Variants in SIGLEC9 observed in about 807,000 individuals in gnomAD.
SIGLEC9 encodes sialic acid binding Ig like lectin 9.
A neutral mutation model predicts 38.3 loss-of-function variants in SIGLEC9; 26 were observed. That is an observed-to-expected ratio of 0.68 (90% CI 0.50 to 0.94). The LOEUF (loss-of-function observed/expected upper bound fraction) is 0.94. Ranked by LOEUF, SIGLEC9 falls within the 40% of genes least tolerant of loss-of-function variation. The pLI is 0.00. For synonymous variants in SIGLEC9, 236 were observed against 248.0 expected (o/e 0.95, Z 0.45); for missense variants, 556 against 585.7 (o/e 0.95, Z 0.52).
downstream of SIGLEC9, among the ~76,000 whole-genome samples, chr19:51,131,718 C>T (rs1254995026): frequency 6.6e-6 from 1 of 151,974 alleles, no homozygotes; most frequent in African/African-American, 2.4e-5. Flanking sequence ...GGGTTCAAGA[C>T]CAGCCTGGCC....
chr19:51,125,985 G>T (rs2091976786), intron 2 of SIGLEC9, 96 bp from the exon 3 acceptor site: 2 of 1,580,402 alleles, frequency 1.3e-6, no homozygotes, highest in Admixed American at 1.7e-5. Flanking sequence ...GAGGACACTG[G>T]CTCTGCCTTC....
At chr19:51,129,308 G>A (rs988555106) in intron 6 of SIGLEC9, among the ~76,000 whole-genome samples, 6 of 148,580 alleles carry the variant, frequency 4.0e-5, no homozygotes, top group African/African-American at 7.4e-5. Flanking sequence ...ACAGGCGCCT[G>A]CCACCACGCC....
chr19:51,127,441 C>G, intron 4 of SIGLEC9, 145 bp downstream of exon 4: 5 of 891,942 alleles, frequency 5.6e-6, no homozygotes, highest in Non-Finnish European at 8.3e-6. Context: ...CTGGGACCCA[C>G]AGCACCACTG....
intron 3 of SIGLEC9, among the ~76,000 whole-genome samples, chr19:51,126,456 T>C (rs550522168): frequency 5.3e-5 from 8 of 152,344 alleles, no homozygotes; most frequent in African/African-American, 1.9e-4. Flanking sequence ...CTGATCTAAG[T>C]ACTTCTGGAC....
chr19:51,126,469 G>A (rs1166413765), intron 3 of SIGLEC9, among the ~76,000 whole-genome samples: 1 of 152,162 alleles, frequency 6.6e-6, no homozygotes. Context: ...TTCTGGACAG[G>A]TGATAAATGT....
Position 51,125,716 on chromosome 19 carries a change from A to G in SIGLEC9, c.541A>G (p.Ile181Val). Residue 181 changes from isoleucine (I) to valine (V), a missense_variant, in exon 2 of 7, where the codon ATA becomes GTA. By Grantham distance (29) the Ile-to-Val change is conservative. Transcript: ENST00000250360. Reference sequence around the variant, plus strand: ...GGGGACACCCCCTATGATCTCCTGGATAGGGACCTCCGTGTCCCCCCTGGA... The same window carrying G: ...GGGGACACCCCCTATGATCTCCTGGGTAGGGACCTCCGTGTCCCCCCTGGA... ...EQGTPPMISW[I>V]GTSVSPLDPS... 6.2e-7 allele frequency: 1 copy of G among 1,614,008 alleles called. No homozygotes were observed. Among genetic ancestry groups the G allele is most frequent in the Non-Finnish European group, 8.5e-7 (1 of 1,179,972 alleles).
At position 51,125,288 on chromosome 19, in the gene SIGLEC9, G is replaced by T. The variant is rs772946118; in HGVS notation, c.314G>T (p.Ser105Ile). 1.2e-6 allele frequency: 2 copies of T among 1,613,860 alleles called. No homozygotes were observed. The highest frequency in any genetic ancestry group is 2.2e-5 in the South Asian group (2 of 91,074). Residue 105 changes from serine (S) to isoleucine (I), a missense_variant, in exon 1 of 7, where the codon AGC becomes ATC. Ser to Ile is a moderately radical substitution (Grantham distance 142, BLOSUM62 -2). Coordinates refer to ENST00000250360, the MANE Select transcript of SIGLEC9 (RefSeq NM_014441.3). ...GDPHTKNCTL[S>I]IRDARRSDAG... ...CCACATACCAAGAATTGCACCCTGA[G>T]CATCAGAGATGCCAGAAGAAGTGAT...
In SIGLEC9 at chr19:51,126,108, T is replaced by A; in HGVS notation, c.728T>A (p.Val243Asp). The A allele has an allele frequency of 6.2e-7, 1 of 1,614,032 alleles. No individual in the cohort carries two copies. The part of the protein sequence containing the change: ...SYPPQNLTMT[V>D]FQGDGTVSTV... ...CCGCCTCAGAACTTGACCATGACTG[T>A]CTTCCAAGGAGACGGCACAGGTAGG... Residue 243 changes from valine (V) to aspartate (D), a missense_variant, in exon 3 of 7, where the codon GTC becomes GAC. By Grantham distance (152) the Val-to-Asp change is radical (BLOSUM62 -3). Transcript: ENST00000250360.
intron 3 of SIGLEC9, among the ~76,000 whole-genome samples, chr19:51,126,753 T>C (rs890992676): frequency 6.6e-6 from 1 of 152,236 alleles, no homozygotes; most frequent in Non-Finnish European, 1.5e-5. Context: ...AACAATCTTG[T>C]ATCTACTTCC....
exon 7 of SIGLEC9, chr19:51,136,188 G>T (rs1319474519): frequency 1.4e-6 from 1 of 703,202 alleles, no homozygotes; most frequent in Non-Finnish European, 2.6e-6. Context: ...TTCCTCATCT[G>T]TGTGGGCTGA....
rs1599820513 is a variant in SIGLEC9, at chr19:51,129,905, A to G, written c.1218A>G (p.Glu406=). The G allele has an allele frequency of 3.8e-6, 6 of 1,598,384 alleles. No homozygotes were observed. The highest frequency in any genetic ancestry group is 1.3e-5 in the African/African-American group (1 of 74,174). Residue 406 remains glutamate (E), a synonymous_variant, in exon 7 of 7, where the codon GAA becomes GAG. Coordinates refer to ENST00000250360, the MANE Select transcript of SIGLEC9 (RefSeq NM_014441.3). The part of the protein sequence containing the change: ...RGSASQGPLT[E]PWAEDSPPDQ... Reference sequence around the variant, plus strand: ...CCATGTCTCAGGGGCCCCTGACTGAACCTTGGGCAGAAGACAGTCCCCCAG... The same window carrying G: ...CCATGTCTCAGGGGCCCCTGACTGAGCCTTGGGCAGAAGACAGTCCCCCAG...
intron 6 of SIGLEC9, among the ~76,000 whole-genome samples, chr19:51,129,171 G>GTTGTTTTTTTTTTTTTTTT (rs1555796366): frequency 7.2e-6 from 1 of 138,992 alleles, no homozygotes; most frequent in African/African-American, 3.0e-5. Context: ...TGTTGTTGTT[G>GTTGTTTTTTTTTTTTTTTT]TTTTTGAGAC....
chr19:51,125,579 T>A lies in SIGLEC9; in HGVS notation c.422-18T>A. ...ATGGATCCTCTGACCTGATCCTGAG[T>A]CCCCCTCTCTTCACCAGCCTTGACC... On this transcript the variant is annotated intron_variant, in intron 1 of 6. Transcript: ENST00000250360. 6.2e-7 allele frequency: 1 copy of A among 1,607,296 alleles called. No homozygotes were observed. The highest frequency in any genetic ancestry group is 8.5e-7 in the Non-Finnish European group (1 of 1,179,584).
downstream of SIGLEC9, among the ~76,000 whole-genome samples, chr19:51,131,362 C>A (rs557691472): frequency 6.6e-6 from 1 of 152,118 alleles, no homozygotes; most frequent in Non-Finnish European, 1.5e-5. Flanking sequence ...CCGAGGTGGG[C>A]AGATCACGAG....
Position 51,125,736 on chromosome 19 carries a change from C to G in SIGLEC9, c.561C>G (p.Pro187=), listed in dbSNP as rs959231144. ...MISWIGTSVS[P]LDPSTTRSSV... is the part of the protein sequence containing the mutation. ...CCTGGATAGGGACCTCCGTGTCCCC[C>G]CTGGACCCCTCCACCACCCGCTCCT... is the stretch of plus-strand genomic sequence containing the variant. The change falls in exon 2 of 7, where the codon CCC becomes CCG. Residue 187 remains proline (P), a synonymous_variant. Coordinates refer to ENST00000250360, the MANE Select transcript of SIGLEC9 (RefSeq NM_014441.3). 1.9e-6 allele frequency: 3 copies of G among 1,614,060 alleles called. No individual in the cohort carries two copies. In the East Asian group the frequency reaches 6.7e-5, roughly 36 times the overall value.
upstream of SIGLEC9, among the ~76,000 whole-genome samples, chr19:51,123,300 T>C (rs1482788131): frequency 6.6e-6 from 1 of 152,194 alleles, no homozygotes; most frequent in African/African-American, 2.4e-5. Flanking sequence ...TGAGTTAGAA[T>C]TGAAGTGGCC....
At position 51,128,003 on chromosome 19, in the gene SIGLEC9, C is replaced by A; in HGVS notation, c.1070C>A (p.Ala357Asp). 1 of 1,614,008 alleles carries A rather than the reference C, an allele frequency of 6.2e-7. No individual in the cohort carries two copies. Among genetic ancestry groups the A allele is most frequent in the Non-Finnish European group, 8.5e-7 (1 of 1,179,870 alleles). ...QGVVGGAGAT[A>D]LVFLSFCVIF... ...GTGGTCGGGGGAGCTGGAGCCACAG[C>A]CCTGGTCTTCCTGTCCTTCTGCGTC... is the stretch of plus-strand genomic sequence containing the variant. The change falls in exon 5 of 7, where the codon GCC becomes GAC. Residue 357 changes from alanine (A) to aspartate (D), a missense_variant. Ala to Asp is a moderately radical substitution (Grantham distance 126). Coordinates refer to ENST00000250360, the MANE Select transcript of SIGLEC9 (RefSeq NM_014441.3).
chr19:51,121,767 A>G (rs2091950726), upstream of SIGLEC9, among the ~76,000 whole-genome samples: 1 of 151,764 alleles, frequency 6.6e-6, no homozygotes, highest in Non-Finnish European at 1.5e-5. Context: ...TTGTACTTTT[A>G]GTAGAAACAA....
Position 51,125,016 on chromosome 19 carries a change from G to A in SIGLEC9, c.42G>A (p.Arg14=), listed in dbSNP as rs774557759. ...LLLPLLWGRE[R]AEGQTSKLLT... ...TGCCCCTGCTCTGGGGGAGGGAGAG[G>A]GCGGAAGGACAGACAAGTAAACTGC... is the stretch of plus-strand genomic sequence containing the variant. Residue 14 remains arginine (R), a synonymous_variant, in exon 1 of 7, where the codon AGG becomes AGA. Coordinates refer to ENST00000250360, the MANE Select transcript of SIGLEC9 (RefSeq NM_014441.3). 8 of 1,612,452 alleles carry A rather than the reference G, an allele frequency of 5.0e-6. No individual in the cohort carries two copies. In the Admixed American group the frequency reaches 1.2e-4, roughly 24 times the overall value.
Sources: allele counts gnomAD v4.1 joint callset (sites outside exome capture counted in the v4.1 genomes callset), GRCh38; gene constraint gnomAD v4.1.1; transcripts MANE v1.5; gene names NCBI Gene and HGNC (gene_info 2026-07-23, HGNC 2026-07-21).